The following FARP1 variants were observed in gnomAD, a reference collection of about 807,000 sequenced individuals.
The protein encoded by FARP1 is FERM, ARHGEF and pleckstrin domain-containing protein 1.
FARP1 carries 52 observed loss-of-function variants against 128.8 expected under a neutral mutation model. The observed-to-expected ratio is 0.40, with a 90% CI of 0.32 to 0.51. The LOEUF is 0.51. FARP1 is among the 20% of genes least tolerant of loss of function. FARP1 has a pLI of 0.45. For missense variants in FARP1, 1,333 were observed against 1,367.9 expected (o/e 0.97, Z 0.40); for synonymous variants, 580 against 551.8 (o/e 1.05, Z -0.72).
In FARP1 at chr13:98,431,175, A is replaced by G. The variant is rs1302431831; in HGVS notation, c.2038A>G (p.Thr680Ala). 3 of 1,613,352 alleles carry G rather than the reference A, an allele frequency of 1.9e-6. No homozygotes were observed. The highest frequency in any genetic ancestry group is 2.5e-6 in the Non-Finnish European group (3 of 1,179,796). Residue 680 changes from threonine (T) to alanine (A), a missense_variant, in exon 18 of 27, where the codon ACC becomes GCC. Thr to Ala is a moderately conservative substitution (Grantham distance 58). Transcript: ENST00000319562. ...GAAGGTGTGTTACCTACCGCTCAACACCTTCCTCCTGCGGCCACTGCACCG... is the reference window on the plus strand; with the variant it reads ...GAAGGTGTGTTACCTACCGCTCAACGCCTTCCTCCTGCGGCCACTGCACCG... ...LQKVCYLPLN[T>A]FLLRPLHRLM...
At chr13:98,405,577 C>T (rs371610648) in intron 13 of FARP1, 10 of 152,284 alleles carry the variant, frequency 6.6e-5, no homozygotes, top group African/African-American at 2.4e-4. Context: ...ACTAACCTGA[C>T]ATCTAACTGA....
At chr13:98,276,545 G>T (rs1050130721) in intron 2 of FARP1, among the ~76,000 whole-genome samples, 1 of 150,092 alleles carries the variant, frequency 6.7e-6, no homozygotes, top group Non-Finnish European at 1.5e-5. Flanking sequence ...TTGGGTTAGG[G>T]TAGAGGGGAT....
chr13:98,162,870 G>A (rs748705826), intron 1 of FARP1, among the ~76,000 whole-genome samples: 4 of 152,154 alleles, frequency 2.6e-5, no homozygotes, highest in African/African-American at 9.7e-5. Flanking sequence ...TGCACTGTTC[G>A]TGAGAGTGTA....
intron 5 of FARP1, among the ~76,000 whole-genome samples, chr13:98,372,565 C>T (rs956138642): frequency 3.9e-5 from 6 of 152,132 alleles, no homozygotes; most frequent in African/African-American, 7.2e-5. Context: ...GCGCCCTGCA[C>T]GCCCTACTGA....
intron 3 of FARP1, among the ~76,000 whole-genome samples, chr13:98,363,268 A>G (rs776798059): frequency 9.2e-5 from 14 of 152,146 alleles, no homozygotes; most frequent in South Asian, 4.2e-4. Context: ...GTCTGTTTTC[A>G]TAGATTCTGC....
chr13:98,289,402 A>G (rs1198553883), intron 2 of FARP1, among the ~76,000 whole-genome samples: 2 of 152,196 alleles, frequency 1.3e-5, no homozygotes, highest in Non-Finnish European at 2.9e-5. Flanking sequence ...TATACTCAAC[A>G]TGAATGGCCG....
intron 2 of FARP1, among the ~76,000 whole-genome samples, chr13:98,251,266 C>A (rs1040491669): frequency 6.6e-6 from 1 of 152,184 alleles, no homozygotes; most frequent in African/African-American, 2.4e-5. Context: ...TTCAGTTAGA[C>A]GGTGGCTAAG....
intron 1 of FARP1, among the ~76,000 whole-genome samples, chr13:98,185,205 A>AT (rs533679364): frequency 2.0e-5 from 3 of 151,046 alleles, no homozygotes; most frequent in Non-Finnish European, 4.4e-5. Context: ...GATATAATTT[A>AT]TTTTAATCCA....
At chr13:98,220,975 T>A (rs145314390) in intron 2 of FARP1, among the ~76,000 whole-genome samples, 84 of 152,304 alleles carry the variant, frequency 5.5e-4, no homozygotes, top group African/African-American at 2.0e-3. Context: ...AAAAGCTGCT[T>A]TTTTTCTCTT....
intron 17 of FARP1, among the ~76,000 whole-genome samples, 166 bp downstream of exon 17, chr13:98,424,816 C>T (rs945985517): frequency 9.2e-5 from 14 of 152,156 alleles, no homozygotes; most frequent in African/African-American, 2.4e-4. Flanking sequence ...CAGCCCAGGA[C>T]GGCTTTGAAT....
chr13:98,175,705 G>C (rs1391897372), intron 1 of FARP1: 1 of 163,626 alleles, frequency 6.1e-6, no homozygotes, highest in Non-Finnish European at 1.3e-5. Context: ...CCTAACCCCT[G>C]ACAACCACCA....
chr13:98,144,482 G>C (rs762075307), intron 1 of FARP1, among the ~76,000 whole-genome samples: 27 of 152,106 alleles, frequency 1.8e-4, no homozygotes, highest in Non-Finnish European at 2.6e-4. Context: ...GCCTCTGGCC[G>C]TTTCATTATA....
At chr13:98,231,162 C>T (rs1420489090) in intron 2 of FARP1, among the ~76,000 whole-genome samples, 6 of 152,102 alleles carry the variant, frequency 3.9e-5, no homozygotes, top group Non-Finnish European at 5.9e-5. Flanking sequence ...ATCATATCAG[C>T]AGGGAATGGT....
chr13:98,197,886 C>T (rs896366015), intron 1 of FARP1, among the ~76,000 whole-genome samples: 4 of 152,098 alleles, frequency 2.6e-5, no homozygotes, highest in Non-Finnish European at 5.9e-5. Context: ...CCGTTCGCCT[C>T]GTCCTCCCAA....
In FARP1 at chr13:98,441,802, A is replaced by G. The variant is rs576773517; in HGVS notation, c.2796+966A>G. On this transcript the variant is annotated intron_variant, in intron 24 of 26. Transcript: ENST00000319562. ...CGCCTGGGGAGGAAAGGGGCGAGGC[A>G]GGAGGTGGGCAGGGAAGCCTGGCTT... Among the ~76,000 whole-genome samples the G allele has an allele frequency of 4.0e-3, 606 of 152,148 alleles. 3 individuals are homozygous for G. The highest frequency in any genetic ancestry group is 0.014 in the African/African-American group (572 of 41,496).
chr13:98,440,350 G>GT, intron 23 of FARP1, 115 bp downstream of exon 23: 1 of 784,274 alleles, frequency 1.3e-6, no homozygotes, highest in South Asian at 1.5e-5. Flanking sequence ...GTACATTTGT[G>GT]TTTAAAGCCA....
At chr13:98,425,683 C>A (rs187362910) in intron 17 of FARP1, among the ~76,000 whole-genome samples, 2 of 152,136 alleles carry the variant, frequency 1.3e-5, no homozygotes, top group African/African-American at 2.4e-5. Flanking sequence ...GAGCCATCAC[C>A]CCTGGTCGCA....
intron 2 of FARP1, chr13:98,331,849 C>T (rs1337903840): frequency 6.6e-6 from 1 of 152,184 alleles, no homozygotes; most frequent in Non-Finnish European, 1.5e-5. Flanking sequence ...TTCCCCTATT[C>T]TATGCTGTTC....
intron 5 of FARP1, among the ~76,000 whole-genome samples, chr13:98,377,214 A>G (rs1338094590): frequency 6.6e-6 from 1 of 151,850 alleles, no homozygotes. Context: ...AGGCAGGAGA[A>G]TTGCTTGAAC....
Sources: allele counts gnomAD v4.1 joint callset (sites outside exome capture counted in the v4.1 genomes callset), GRCh38; gene constraint gnomAD v4.1.1; transcripts MANE v1.5; gene names NCBI Gene and HGNC (gene_info 2026-07-23, HGNC 2026-07-21).